Variants in ARL15 observed in about 807,000 individuals in gnomAD.
ARL15 encodes ARF like GTPase 15, also known as ADP-ribosylation factor-like protein 15.
A neutral mutation model predicts 25.2 loss-of-function variants in ARL15; 19 were observed. The observed-to-expected ratio is 0.75, with a 90% CI of 0.53 to 1.10. The LOEUF (loss-of-function observed/expected upper bound fraction) is 1.10, where lower values mean the gene tolerates loss of function less well. Ranked by LOEUF, ARL15 falls within the 50% of genes least tolerant of loss-of-function variation. ARL15 has a pLI of 0.00. For missense variants in ARL15, 220 were observed against 246.0 expected, an observed-to-expected ratio of 0.89 and a Z score of 0.71; for synonymous variants, 94 against 86.8, an observed-to-expected ratio of 1.08 and a Z score of -0.46.
intron 3 of ARL15, among the ~76,000 whole-genome samples, chr5:54,139,656 AG>A (rs1017690426): frequency 1.3e-5 from 2 of 152,176 alleles, no homozygotes; most frequent in African/African-American, 4.8e-5. Flanking sequence ...GTACCTCAAA[AG>A]CTACTGAAAT....
chr5:54,244,953 T>A (rs1374270853), intron 1 of ARL15, among the ~76,000 whole-genome samples: 1 of 152,148 alleles, frequency 6.6e-6, no homozygotes, highest in East Asian at 1.9e-4. Flanking sequence ...GTGCTATTTC[T>A]AAAATGAAGA....
Position 54,216,979 on chromosome 5 carries a change from T to A in ARL15, c.49-45051A>T, listed in dbSNP as rs139074874. On this transcript the variant is annotated intron_variant, in intron 1 of 4. Coordinates refer to ENST00000504924, the MANE Select transcript of ARL15 (RefSeq NM_019087.3). ...TAACATTACATTTTAGTTTTTTAAA[T>A]AGTTTAAGGTAAAAACAAAAGCCAG... 8.1e-3 allele frequency among the ~76,000 whole-genome samples: 1,235 copies of A among 152,194 alleles called. 50 individuals are homozygous for A. Among genetic ancestry groups the A allele is most frequent in the Admixed American group, 0.061 (938 of 15,274 alleles).
intron 3 of ARL15, among the ~76,000 whole-genome samples, chr5:54,115,943 C>T (rs1465692217): frequency 1.3e-5 from 2 of 152,050 alleles, no homozygotes; most frequent in African/African-American, 2.4e-5. Context: ...CTTGTACACC[C>T]GATTTAGAGG....
At chr5:54,043,628 ACATTTCCAT>A (rs1750411224) in intron 4 of ARL15, among the ~76,000 whole-genome samples, 1 of 152,180 alleles carries the variant, frequency 6.6e-6, no homozygotes, top group African/African-American at 2.4e-5. Flanking sequence ...ATGTCAGGCT[ACATTTCCAT>A]CATAGGGAAA....
intron 1 of ARL15, among the ~76,000 whole-genome samples, chr5:54,282,082 C>T (rs1387503722): frequency 6.6e-6 from 1 of 152,306 alleles, no homozygotes; most frequent in South Asian, 2.1e-4. Context: ...GAGCTATATA[C>T]CTAGGAGTAG....
chr5:54,168,399 CTTTTTT>C (rs10611567), intron 2 of ARL15, among the ~76,000 whole-genome samples: 3 of 148,648 alleles, frequency 2.0e-5, no homozygotes, highest in Non-Finnish European at 3.0e-5. Context: ...ATTCTCCCTA[CTTTTTT>C]TTTTTTTAAC....
intron 4 of ARL15, among the ~76,000 whole-genome samples, chr5:54,091,781 G>GA (rs568059007): frequency 0.19 from 27,372 of 145,244 alleles, 2,655 homozygotes; most frequent in Admixed American, 0.23. Context: ...AGGAAACACA[G>GA]AAAAAAAAAA....
At chr5:53,971,531 T>C (rs1395117632) in intron 4 of ARL15, among the ~76,000 whole-genome samples, 1 of 152,154 alleles carries the variant, frequency 6.6e-6, no homozygotes, top group Non-Finnish European at 1.5e-5. Context: ...CTAGAAATTA[T>C]TGAGTACATT....
At chr5:54,055,505 C>T (rs1471070077) in intron 4 of ARL15, among the ~76,000 whole-genome samples, 1 of 151,942 alleles carries the variant, frequency 6.6e-6, no homozygotes, top group Non-Finnish European at 1.5e-5. Context: ...GGATTACAGG[C>T]ATATGTCAAC....
At chr5:53,918,041 A>G (rs2112005553) in intron 4 of ARL15, among the ~76,000 whole-genome samples, 1 of 152,342 alleles carries the variant, frequency 6.6e-6, no homozygotes, top group Non-Finnish European at 1.5e-5. Context: ...ACATATGGCC[A>G]TGAGATAACT....
At chr5:53,998,228 A>G (rs1049234464) in intron 4 of ARL15, among the ~76,000 whole-genome samples, 3 of 149,284 alleles carry the variant, frequency 2.0e-5, no homozygotes, top group Non-Finnish European at 4.4e-5. Flanking sequence ...CGCTTTTCCC[A>G]TCTCTTGAAT....
intron 1 of ARL15, chr5:54,282,427 T>C: frequency 1.0e-6 from 1 of 985,472 alleles, no homozygotes; most frequent in Non-Finnish European, 1.2e-6. Flanking sequence ...GAAAATCTGC[T>C]GTATTCCAAC....
Position 53,886,430 on chromosome 5 carries a change from T to A in ARL15, c.*131A>T, listed in dbSNP as rs766810086. The A allele has an allele frequency of 1.1e-6, 1 of 937,960 alleles. No homozygotes were observed. The highest frequency in any genetic ancestry group is 1.5e-6 in the Non-Finnish European group (1 of 645,872). The allele number at this position is 937,960 out of a possible 1,614,324, so 58.1% of individuals were successfully genotyped here. ...CAGAATATTCACTTTAATAGAGAGA[T>A]GAGAGTCTGAAATGACCAGAGGAAA... On this transcript the variant is annotated 3_prime_UTR_variant, in exon 5 of 5. Transcript: ENST00000504924.
At chr5:53,929,918 C>T (rs1746148290) in intron 4 of ARL15, among the ~76,000 whole-genome samples, 1 of 152,026 alleles carries the variant, frequency 6.6e-6, no homozygotes, top group African/African-American at 2.4e-5. Context: ...TGCTGCTAAC[C>T]TGAAGTGCTC....
chr5:54,140,185 G>T (rs1753726121), intron 3 of ARL15, among the ~76,000 whole-genome samples: 1 of 151,128 alleles, frequency 6.6e-6, no homozygotes, highest in Non-Finnish European at 1.5e-5. Context: ...GATTATAGTA[G>T]GTCTCTCTTA....
intron 4 of ARL15, among the ~76,000 whole-genome samples, chr5:54,020,165 C>G (rs574621590): frequency 6.6e-6 from 1 of 152,224 alleles, no homozygotes; most frequent in Admixed American, 6.5e-5. Flanking sequence ...GACCCTCCCC[C>G]TCTCACACTG....
intron 2 of ARL15, 114 bp from the exon 3 acceptor site, chr5:54,154,753 G>T: frequency 1.6e-6 from 1 of 614,786 alleles, no homozygotes; most frequent in Non-Finnish European, 2.7e-6. Context: ...ACTTTTTGTA[G>T]CTGATATTTA....
chr5:54,239,187 C>T (rs1239521628), intron 1 of ARL15, among the ~76,000 whole-genome samples: 1 of 151,346 alleles, frequency 6.6e-6, no homozygotes, highest in Admixed American at 6.6e-5. Context: ...AGGAAATTGA[C>T]TTATCTTTGG....
intron 1 of ARL15, among the ~76,000 whole-genome samples, chr5:54,204,120 T>C (rs760429836): frequency 4.6e-5 from 7 of 152,212 alleles, no homozygotes; most frequent in Non-Finnish European, 1.5e-5. Flanking sequence ...TTAAGTTATA[T>C]ACAATTTTCT....
Sources: gnomAD v4.1 joint callset for allele counts (sites outside exome capture counted in the v4.1 genomes callset) on GRCh38, gnomAD v4.1.1 for gene constraint, MANE v1.5 for transcripts, NCBI Gene and HGNC (gene_info 2026-07-23, HGNC 2026-07-21) for gene names.